Variants in SPAG17 observed in about 807,000 individuals in gnomAD.
SPAG17 encodes the protein sperm associated antigen 17.
In SPAG17, 169 loss-of-function variants were observed where a neutral mutation model predicts 273.6. That is an observed-to-expected ratio of 0.62 (90% CI 0.55 to 0.70). The LOEUF is 0.70. Among genes scored for constraint, SPAG17 ranks in the 30% least tolerant of loss-of-function variants. The pLI is 0.00. For missense variants in SPAG17, 2,557 were observed against 2,627.8 expected, an observed-to-expected ratio of 0.97 and a Z score of 0.59; for synonymous variants, 825 against 873.2, an observed-to-expected ratio of 0.94 and a Z score of 0.97.
chr1:118,156,352 C>A (rs936254938), intron 1 of SPAG17, among the ~76,000 whole-genome samples: 4 of 152,140 alleles, frequency 2.6e-5, no homozygotes, highest in African/African-American at 9.7e-5. Context: ...TATTTCAAAG[C>A]AACAGGGAGT....
Position 117,957,317 on chromosome 1 carries a change from C to T in SPAG17, c.*1-3268G>A, listed in dbSNP as rs546161902. ...GTATGCCGAACTCGGTGGCTCACAC[C>T]CGTAATCCCAGCACTTTGGGAGGCT... On this transcript the variant is annotated intron_variant, in intron 48 of 48. Transcript: ENST00000336338. 56 of 1,269,530 alleles carry T rather than the reference C, an allele frequency of 4.4e-5. No homozygotes were observed. In the South Asian group the frequency reaches 9.2e-4, roughly 21 times the overall value. The allele number at this position is 1,269,530 out of a possible 1,614,324, so 78.6% of individuals were successfully genotyped here. A position where few individuals can be genotyped will look rare whatever the true frequency, so the allele number is the denominator to read the frequency against.
chr1:117,972,114 T>G lies in SPAG17; in HGVS notation c.6142-67A>C. 4 of 1,236,476 alleles carry G rather than the reference T, an allele frequency of 3.2e-6. No homozygotes were observed. The East Asian group carries it at 7.3e-5, about 23-fold the overall frequency. The allele number at this position is 1,236,476 out of a possible 1,614,324, so 76.6% of individuals were successfully genotyped here. A position where few individuals can be genotyped will look rare whatever the true frequency, so the allele number is the denominator to read the frequency against. Reference sequence around the variant, plus strand: ...GTTCCCAAGATTAAAAAAAAAAAAGTCCCTGTCACCAGAGGAAAATAACTG... The same window carrying G: ...GTTCCCAAGATTAAAAAAAAAAAAGGCCCTGTCACCAGAGGAAAATAACTG... On this transcript the variant is annotated intron_variant, in intron 44 of 48. Transcript: ENST00000336338.
At position 117,992,565 on chromosome 1, in the gene SPAG17, A is replaced by G; in HGVS notation, c.5262T>C (p.Gly1754=). Residue 1754 remains glycine (G), a synonymous_variant, in exon 36 of 49, where the codon GGT becomes GGC. Transcript: ENST00000336338. ...GCACACTGGGGCTCTTGAGTATGGC[A>G]CCCGGGGCACTCACTAGCTGTTTGG... The part of the protein sequence containing the change: ...IESKQLVSAP[G]AILKSPSVLQ... 6.2e-7 allele frequency: 1 copy of G among 1,613,694 alleles called. No homozygotes were observed. Among genetic ancestry groups the G allele is most frequent in the Non-Finnish European group, 8.5e-7 (1 of 1,179,834 alleles).
chr1:117,963,772 C>CA lies in SPAG17; in HGVS notation c.*26dup, dbSNP rs1327664630. 4 of 1,588,960 alleles carry CA rather than the reference C, an allele frequency of 2.5e-6. No individual in the cohort carries two copies. The African/African-American group carries it at 5.4e-5, about 22-fold the overall frequency. On this transcript the variant is annotated intron_variant, in intron 48 of 48. Coordinates refer to ENST00000336338, the MANE Select transcript of SPAG17 (RefSeq NM_206996.4). ...ACCTCAAATTTGAATGCTTGACAAT[C>CA]AAATTCCCATTTATTACTTACTGTA...
chr1:117,954,024 G>A lies in SPAG17; in HGVS notation c.*26C>T, dbSNP rs769065599. 3.7e-6 allele frequency: 6 copies of A among 1,611,738 alleles called. No homozygotes were observed. The highest frequency in any genetic ancestry group is 5.1e-6 in the Non-Finnish European group (6 of 1,178,636). On this transcript the variant is annotated 3_prime_UTR_variant, in exon 49 of 49. Transcript: ENST00000336338. ...CTCTGTAGGCTGAGAGGATTATGGAGGCTATTGAGTTGTACCGAGAAGAAA... is the reference window on the plus strand; with the variant it reads ...CTCTGTAGGCTGAGAGGATTATGGAAGCTATTGAGTTGTACCGAGAAGAAA...
chr1:118,109,556 A>AAAT (rs10589035), intron 4 of SPAG17, among the ~76,000 whole-genome samples: 12,797 of 141,178 alleles, frequency 0.091, 872 homozygotes, highest in East Asian at 0.25. Context: ...CTCTGTCTCA[A>AAAT]AATAATAATA....
chr1:118,100,647 T>G (rs1276309351), intron 5 of SPAG17, among the ~76,000 whole-genome samples: 1 of 152,168 alleles, frequency 6.6e-6, no homozygotes, highest in African/African-American at 2.4e-5. Flanking sequence ...ATATCACTTC[T>G]TCCAAGTCTA....
intron 40 of SPAG17, among the ~76,000 whole-genome samples, chr1:117,986,960 G>C (rs923236034): frequency 5.3e-5 from 8 of 152,184 alleles, no homozygotes; most frequent in African/African-American, 1.9e-4. Context: ...CAGGAAAGGA[G>C]CATCCTTATC....
At chr1:118,167,124 A>G (rs2102384724) in intron 1 of SPAG17, among the ~76,000 whole-genome samples, 1 of 152,320 alleles carries the variant, frequency 6.6e-6, no homozygotes, top group Admixed American at 6.5e-5. Context: ...TAATGCATAA[A>G]GCTGATACAT....
At position 118,010,950 on chromosome 1, in the gene SPAG17, G is replaced by T. The variant is rs534783907; in HGVS notation, c.4432+1278C>A. Among the ~76,000 whole-genome samples, 3 of 152,172 alleles carry T rather than the reference G, an allele frequency of 2.0e-5. No individual in the cohort carries two copies. The South Asian group carries it at 6.2e-4, about 32-fold the overall frequency. On this transcript the variant is annotated intron_variant, in intron 30 of 48. Coordinates refer to ENST00000336338, the MANE Select transcript of SPAG17 (RefSeq NM_206996.4). Reference sequence around the variant, plus strand: ...GTTTTCAAAAGAAGACATAAACGTGGCCAAAAAACACATGAAGAAAAGCTC... The same window carrying T: ...GTTTTCAAAAGAAGACATAAACGTGTCCAAAAAACACATGAAGAAAAGCTC...
rs754898279 is a variant in SPAG17 at position 117,971,868 on chromosome 1, G to C, written c.6321C>G (p.Phe2107Leu). The C allele has an allele frequency of 6.2e-7, 1 of 1,612,986 alleles. No individual in the cohort carries two copies. The highest frequency in any genetic ancestry group is 2.2e-5 in the East Asian group (1 of 44,842). The change falls in exon 45 of 49, where the codon TTC becomes TTG. Residue 2107 changes from phenylalanine (F) to leucine (L), a missense_variant. Coordinates refer to ENST00000336338, the MANE Select transcript of SPAG17 (RefSeq NM_206996.4). ...VVKLKNVGVD[F>L]CRFKVKQPPP... The stretch of plus-strand genomic sequence containing the variant: ...CTTTGGTCCCTTGGCCTCACCTGCA[G>C]AAGTCCACTCCAACATTCTTGAGCT...
At position 117,969,005 on chromosome 1, in the gene SPAG17, C is replaced by T. The variant is rs1028446586; in HGVS notation, c.6387+1051G>A. 4.6e-5 allele frequency among the ~76,000 whole-genome samples: 7 copies of T among 152,052 alleles called. No individual in the cohort carries two copies. The South Asian group carries it at 1.4e-3, about 31-fold the overall frequency. On this transcript the variant is annotated intron_variant, in intron 46 of 48. Transcript: ENST00000336338. ...CTTTAAATGGCATATGGGAGGAACTCAAAATTTGCTGAGTGAAGTATGAAG... is the reference window on the plus strand; with the variant it reads ...CTTTAAATGGCATATGGGAGGAACTTAAAATTTGCTGAGTGAAGTATGAAG...
chr1:118,074,481 G>C, intron 16 of SPAG17, 58 bp downstream of exon 16: 2 of 1,409,894 alleles, frequency 1.4e-6, no homozygotes. Flanking sequence ...CTTACTCCAA[G>C]TCATGGTTTT....
At chr1:117,991,094 T>C (rs1419421004) in intron 37 of SPAG17, among the ~76,000 whole-genome samples, 188 bp from the exon 38 acceptor site, 1 of 152,240 alleles carries the variant, frequency 6.6e-6, no homozygotes, top group Non-Finnish European at 1.5e-5. Context: ...ATGGAAATGA[T>C]TTTAACTTGT....
At chr1:118,079,982 T>C (rs1654408352) in intron 15 of SPAG17, among the ~76,000 whole-genome samples, 1 of 152,338 alleles carries the variant, frequency 6.6e-6, no homozygotes, top group South Asian at 2.1e-4. Flanking sequence ...TAAGACGCTA[T>C]GGTATAATGG....
rs985050354 is a variant in SPAG17, at chr1:118,158,039, G to A, written c.88-6670C>T. Among the ~76,000 whole-genome samples the A allele has an allele frequency of 2.6e-5, 4 of 152,274 alleles. 1 individual carries two copies. In the East Asian group the frequency reaches 5.8e-4, roughly 22 times the overall value. On this transcript the variant is annotated intron_variant, in intron 1 of 48. Transcript: ENST00000336338. ...AAAAGGCAAATATGAGTTTGAACAA[G>A]AGTTTGTATAATAATTTTCTCTTGG...
At chr1:118,139,572 T>C (rs1658552449) in intron 3 of SPAG17, among the ~76,000 whole-genome samples, 1 of 152,132 alleles carries the variant, frequency 6.6e-6, no homozygotes, top group Non-Finnish European at 1.5e-5. Flanking sequence ...TAAGCGTTCA[T>C]CAACATATGG....
At chr1:118,013,410 T>C (rs17037822) in intron 29 of SPAG17, among the ~76,000 whole-genome samples, 10,523 of 152,226 alleles carry the variant, frequency 0.069, 566 homozygotes, top group East Asian at 0.31. Flanking sequence ...TTATCATTGG[T>C]GCTTTCAGCC....
intron 32 of SPAG17, among the ~76,000 whole-genome samples, chr1:118,000,600 T>A (rs769059299): frequency 5.9e-5 from 9 of 152,206 alleles, no homozygotes; most frequent in Admixed American, 1.3e-4. Context: ...GAATGGTGGT[T>A]CACTCACGTT....
Sources: allele counts gnomAD v4.1 joint callset (sites outside exome capture counted in the v4.1 genomes callset), GRCh38; gene constraint gnomAD v4.1.1; transcripts MANE v1.5; gene names NCBI Gene and HGNC (gene_info 2026-07-23, HGNC 2026-07-21).